Variants in GRIK1 observed in about 807,000 individuals in gnomAD.
GRIK1 encodes glutamate ionotropic receptor kainate type subunit 1.
Under a neutral mutation model 105.7 loss-of-function variants are expected in GRIK1, and 69 were observed. The observed-to-expected ratio is 0.65, with a 90% CI of 0.54 to 0.80. The LOEUF is 0.80. Among genes scored for constraint, GRIK1 ranks in the 30% least tolerant of loss-of-function variants. GRIK1 has a pLI of 0.00. For synonymous variants in GRIK1, 438 were observed against 431.3 expected, an observed-to-expected ratio of 1.02 and a Z score of -0.19; for missense variants, 1,109 against 1,167.3, an observed-to-expected ratio of 0.95 and a Z score of 0.73.
chr21:29,843,570 T>C (rs571700111), intron 1 of GRIK1, among the ~76,000 whole-genome samples: 1 of 152,290 alleles, frequency 6.6e-6, no homozygotes, highest in South Asian at 2.1e-4. Flanking sequence ...ATATTTTTCT[T>C]AGGTGAAGGA....
chr21:29,785,781 G>T (rs1233795162), intron 1 of GRIK1, among the ~76,000 whole-genome samples: 1 of 152,096 alleles, frequency 6.6e-6, no homozygotes, highest in East Asian at 1.9e-4. Flanking sequence ...AGTTCTGAAG[G>T]CCAGAAGTCC....
rs562085421 is a variant in GRIK1 at position 29,673,405 on chromosome 21, A to T, written c.545-241T>A. On this transcript the variant is annotated intron_variant, in intron 3 of 17. Coordinates refer to ENST00000327783, the MANE Select transcript of GRIK1 (RefSeq NM_001330994.2). ...CAGGAGCATTTTAAATTTATTTAGAATGCAATTGTCCTTTCCAGCTTTCAG... is the reference window on the plus strand; with the variant it reads ...CAGGAGCATTTTAAATTTATTTAGATTGCAATTGTCCTTTCCAGCTTTCAG... 1.1e-4 allele frequency among the ~76,000 whole-genome samples: 17 copies of T among 152,260 alleles called. No individual in the cohort carries two copies. The South Asian group carries it at 1.2e-3, about 11-fold the overall frequency.
chr21:29,727,743 A>G (rs1296026716), intron 1 of GRIK1, among the ~76,000 whole-genome samples: 1 of 152,262 alleles, frequency 6.6e-6, no homozygotes, highest in Non-Finnish European at 1.5e-5. Context: ...GGTTCTTCAA[A>G]GACACAGAAT....
intron 1 of GRIK1, among the ~76,000 whole-genome samples, chr21:29,700,600 G>T (rs2063793496): frequency 6.6e-6 from 1 of 152,060 alleles, no homozygotes; most frequent in Non-Finnish European, 1.5e-5. Context: ...CTCACTGATT[G>T]ACTTTTTTTT....
At chr21:29,700,743 A>G (rs1281092916) in intron 1 of GRIK1, among the ~76,000 whole-genome samples, 3 of 152,192 alleles carry the variant, frequency 2.0e-5, no homozygotes, top group African/African-American at 7.2e-5. Flanking sequence ...AAGGGAGGCA[A>G]TTCCACTGCT....
chr21:29,746,036 A>G (rs404158), intron 1 of GRIK1, among the ~76,000 whole-genome samples: 130,009 of 151,528 alleles, frequency 0.86, 57,260 homozygotes, highest in Non-Finnish European at 0.96. Context: ...CCTGGGAGGC[A>G]GAGCTTGCAG....
At chr21:29,690,731 T>C (rs989845061) in intron 2 of GRIK1, among the ~76,000 whole-genome samples, 5 of 151,766 alleles carry the variant, frequency 3.3e-5, no homozygotes, top group African/African-American at 1.2e-4. Flanking sequence ...AAAAATTTAG[T>C]TGTAACATAA....
At chr21:29,915,934 A>G (rs1478364655) in intron 1 of GRIK1, among the ~76,000 whole-genome samples, 1 of 151,982 alleles carries the variant, frequency 6.6e-6, no homozygotes, top group Non-Finnish European at 1.5e-5. Flanking sequence ...GAAAGAAAAC[A>G]CTCATTAAAA....
chr21:29,545,605 T>G (rs183500851), intron 16 of GRIK1, among the ~76,000 whole-genome samples: 9 of 152,328 alleles, frequency 5.9e-5, no homozygotes, highest in Non-Finnish European at 1.2e-4. Flanking sequence ...GATCGTGATG[T>G]GTAGGGTGTT....
intron 1 of GRIK1, among the ~76,000 whole-genome samples, chr21:29,872,777 C>T (rs1205553092): frequency 1.3e-5 from 2 of 152,158 alleles, no homozygotes; most frequent in African/African-American, 2.4e-5. Context: ...ATGAGACTTA[C>T]TCATTATCAT....
chr21:29,560,437 C>CTTTCT (rs201038472), intron 15 of GRIK1, among the ~76,000 whole-genome samples: 25 of 112,354 alleles, frequency 2.2e-4, no homozygotes, highest in Admixed American at 9.3e-4. Context: ...TTCTTTCTTT[C>CTTTCT]TTTTTCTTTC....
chr21:29,725,446 G>A (rs577082836), intron 1 of GRIK1, among the ~76,000 whole-genome samples: 12 of 152,246 alleles, frequency 7.9e-5, no homozygotes, highest in African/African-American at 2.9e-4. Context: ...GAGGGAACAA[G>A]CATATACATT....
chr21:29,567,691 A>G (rs1437777881), intron 14 of GRIK1, among the ~76,000 whole-genome samples: 1 of 152,226 alleles, frequency 6.6e-6, no homozygotes, highest in African/African-American at 2.4e-5. Flanking sequence ...AAAATTAACC[A>G]AAGACATAGA....
chr21:29,627,523 C>T (rs1485768730), intron 7 of GRIK1, among the ~76,000 whole-genome samples: 1 of 152,138 alleles, frequency 6.6e-6, no homozygotes, highest in Non-Finnish European at 1.5e-5. Flanking sequence ...CCCTTTTTCT[C>T]TCCATGGAAG....
intron 4 of GRIK1, among the ~76,000 whole-genome samples, chr21:29,662,670 C>T (rs921928126): frequency 6.6e-6 from 1 of 152,068 alleles, no homozygotes; most frequent in Admixed American, 6.5e-5. Context: ...GCTGGTCTCA[C>T]GAGATCTCTA....
At chr21:29,605,426 A>C (rs1307356373) in intron 7 of GRIK1, among the ~76,000 whole-genome samples, 1 of 152,158 alleles carries the variant, frequency 6.6e-6, no homozygotes, top group Admixed American at 6.5e-5. Context: ...GTAGTATTCC[A>C]TGGTGTATAT....
chr21:29,744,712 C>T (rs1386529389), intron 1 of GRIK1, among the ~76,000 whole-genome samples: 3 of 152,110 alleles, frequency 2.0e-5, no homozygotes, highest in Non-Finnish European at 4.4e-5. Context: ...TCTGTTCTTT[C>T]CATGTACTCC....
At chr21:29,750,379 G>A (rs1393110979) in intron 1 of GRIK1, among the ~76,000 whole-genome samples, 2 of 152,038 alleles carry the variant, frequency 1.3e-5, no homozygotes, top group African/African-American at 2.4e-5. Context: ...GCCAACCACA[G>A]GGTAGAAACA....
intron 1 of GRIK1, among the ~76,000 whole-genome samples, chr21:29,789,141 T>C (rs1452019424): frequency 6.6e-6 from 1 of 152,224 alleles, no homozygotes; most frequent in East Asian, 1.9e-4. Flanking sequence ...ATCCCTGTAC[T>C]CTTTGTCTTA....
Sources: allele counts gnomAD v4.1 joint callset (sites outside exome capture counted in the v4.1 genomes callset), GRCh38; gene constraint gnomAD v4.1.1; transcripts MANE v1.5; gene names NCBI Gene and HGNC (gene_info 2026-07-23, HGNC 2026-07-21).